The following PCNX2 variants were observed in gnomAD, a reference collection of about 807,000 sequenced individuals.
PCNX2 encodes the protein pecanex-like protein 2.
Under a neutral mutation model 223.8 loss-of-function variants are expected in PCNX2, and 168 were observed. The observed-to-expected ratio is 0.75, with a 90% CI of 0.66 to 0.85. The LOEUF (loss-of-function observed/expected upper bound fraction) is 0.85, where lower values mean the gene tolerates loss of function less well. Among genes scored for constraint, PCNX2 ranks in the 40% least tolerant of loss-of-function variants. The pLI is 0.00. For synonymous variants in PCNX2, 1,006 were observed against 1,052.6 expected, an observed-to-expected ratio of 0.96 and a Z score of 0.86; for missense variants, 2,507 against 2,675.5, an observed-to-expected ratio of 0.94 and a Z score of 1.39.
intron 23 of PCNX2, among the ~76,000 whole-genome samples, chr1:233,077,326 G>A (rs1330463765): frequency 6.6e-6 from 1 of 152,050 alleles, no homozygotes; most frequent in Admixed American, 6.6e-5. Context: ...TTGACTCCAG[G>A]AGCACAGGGA....
rs531247703 is a variant in PCNX2 at position 233,255,965 on chromosome 1, C to T, written c.1834+2063G>A. Among the ~76,000 whole-genome samples the T allele has an allele frequency of 1.2e-4, 19 of 152,240 alleles. No homozygotes were observed. The Middle Eastern group carries it at 0.014, about 109-fold the overall frequency. On this transcript the variant is annotated intron_variant, in intron 5 of 33. Coordinates refer to ENST00000258229, the MANE Select transcript of PCNX2 (RefSeq NM_014801.4). ...ATTTGCCACCTTTGACGTTGATGGC[C>T]TTCTACGAGCTAAAAGATTCACTGT...
intron 21 of PCNX2, among the ~76,000 whole-genome samples, chr1:233,113,976 A>G (rs1421920204): frequency 6.6e-6 from 1 of 152,218 alleles, no homozygotes; most frequent in Non-Finnish European, 1.5e-5. Context: ...TCTGTGCCTG[A>G]CTGTGTTCTG....
chr1:233,161,332 C>T lies in PCNX2; in HGVS notation c.3305G>A (p.Cys1102Tyr), dbSNP rs754555338. The change falls in exon 18 of 34, where the codon TGC (cysteine) becomes TAC (tyrosine). Residue 1102 changes from cysteine to tyrosine, a missense_variant. Around this residue, in one of 3 missense-constraint regions of PCNX2, gnomAD observed 1,372 missense variants for 1,509.4 expected, o/e 0.91. Coordinates refer to ENST00000258229, the MANE Select transcript of PCNX2 (RefSeq NM_014801.4). ...AAATGAGAGGACAGCAACCACTGCG[C>T]AGACGATGAGATCCCATTTTAAGAC... ...TDVLKWDLIV[C>Y]AVVAVLSFAV... 1.9e-6 allele frequency: 3 copies of T among 1,613,872 alleles called. No homozygotes were observed. Among genetic ancestry groups the T allele is most frequent in the East Asian group, 2.2e-5 (1 of 44,876 alleles).
In PCNX2 at chr1:233,093,375, C is replaced by A. The variant is rs1172547962; in HGVS notation, c.3946+2380G>T. ...AAAAAGCAATTTACCAAACAGTGCCCTGCTGGCCTGAAAGCTAATTCAATT... is the reference window on the plus strand; with the variant it reads ...AAAAAGCAATTTACCAAACAGTGCCATGCTGGCCTGAAAGCTAATTCAATT... On this transcript the variant is annotated intron_variant, in intron 22 of 33. Transcript: ENST00000258229. Among the ~76,000 whole-genome samples, 4 of 152,188 alleles carry A rather than the reference C, an allele frequency of 2.6e-5. No homozygotes were observed. The East Asian group carries it at 7.7e-4, about 29-fold the overall frequency.
intron 21 of PCNX2, among the ~76,000 whole-genome samples, chr1:233,118,351 T>G (rs563146020): frequency 6.6e-6 from 1 of 152,208 alleles, no homozygotes; most frequent in East Asian, 1.9e-4. Flanking sequence ...CACTCTTATC[T>G]GACATAGTGC....
chr1:233,055,250 G>A (rs1159039954), intron 24 of PCNX2, among the ~76,000 whole-genome samples: 1 of 152,222 alleles, frequency 6.6e-6, no homozygotes, highest in African/African-American at 2.4e-5. Context: ...CAGTGATTGA[G>A]AGCTCTAATT....
intron 26 of PCNX2, among the ~76,000 whole-genome samples, chr1:233,017,727 C>A (rs10910645): frequency 2.6e-5 from 4 of 151,924 alleles, no homozygotes; most frequent in African/African-American, 4.8e-5. Context: ...CAGAACTCAT[C>A]TGAGACATTT....
intron 24 of PCNX2, among the ~76,000 whole-genome samples, chr1:233,056,565 T>C (rs1257818327): frequency 2.0e-5 from 3 of 152,230 alleles, no homozygotes. Context: ...TCTCTCCAGG[T>C]ATCTCAAATT....
chr1:233,145,251 C>T (rs554881526), intron 19 of PCNX2, among the ~76,000 whole-genome samples: 2 of 152,210 alleles, frequency 1.3e-5, no homozygotes, highest in East Asian at 1.9e-4. Flanking sequence ...CAGCCATGAG[C>T]CTCTGCACCT....
intron 23 of PCNX2, among the ~76,000 whole-genome samples, chr1:233,088,769 ACCTACT>A (rs1298409601): frequency 2.0e-5 from 3 of 152,100 alleles, no homozygotes; most frequent in African/African-American, 7.2e-5. Flanking sequence ...CATGGTAAAC[ACCTACT>A]AGCATGGGTC....
chr1:233,063,979 CTTT>C (rs565830950), intron 23 of PCNX2, among the ~76,000 whole-genome samples: 2 of 151,678 alleles, frequency 1.3e-5, no homozygotes, highest in Admixed American at 1.3e-4. Flanking sequence ...TCCAATTTGT[CTTT>C]TTTTTCATAA....
chr1:233,070,340 A>T (rs978731938), intron 23 of PCNX2, among the ~76,000 whole-genome samples: 1 of 152,154 alleles, frequency 6.6e-6, no homozygotes, highest in Non-Finnish European at 1.5e-5. Flanking sequence ...TAGGAGGAAG[A>T]GACACTTTCC....
intron 21 of PCNX2, among the ~76,000 whole-genome samples, chr1:233,115,811 C>G (rs1213115519): frequency 6.6e-6 from 1 of 152,002 alleles, no homozygotes; most frequent in Admixed American, 6.5e-5. Context: ...ATAAACACTA[C>G]CATATCAATG....
At position 233,295,592 on chromosome 1, in the gene PCNX2, G is replaced by A; in HGVS notation, c.-114C>T. On this transcript the variant is annotated 5_prime_UTR_variant, in exon 1 of 34. Transcript: ENST00000258229. This position sits in a 1 kb window ranked among gnomAD's most constrained non-coding sequence, Gnocchi z 4.1. ...GCCCGCGGGCCGCGCCCCCGCCGTC[G>A]CCGCCGCCGTCGCCCCCGCCGCCTC... 8.7e-7 allele frequency: 1 copy of A among 1,149,108 alleles called. No individual in the cohort carries two copies. The highest frequency in any genetic ancestry group is 1.1e-6 in the Non-Finnish European group (1 of 900,824). 71.2% of individuals were successfully genotyped at this position (1,149,108 alleles called of 1,614,324 possible).
intron 10 of PCNX2, among the ~76,000 whole-genome samples, chr1:233,221,359 A>T (rs987543286): frequency 2.6e-5 from 4 of 152,192 alleles, no homozygotes; most frequent in African/African-American, 9.6e-5. Context: ...AAAATATCCA[A>T]AGGTCTTTGA....
At chr1:233,321,617 T>C in the PCNX2 span, among the ~76,000 whole-genome samples, 2 of 152,322 alleles carry the variant, frequency 1.3e-5, no homozygotes, top group Non-Finnish European at 2.9e-5. Flanking sequence ...TTCTTTAAAA[T>C]GTCATCATAC....
chr1:233,235,957 A>AATATATATATATATATATATATATAT (rs1553319644), intron 9 of PCNX2, among the ~76,000 whole-genome samples: 2 of 93,090 alleles, frequency 2.1e-5, no homozygotes, highest in African/African-American at 3.9e-5. Context: ...CATAAAAAAA[A>AATATATATATATATATATATATATAT]ATATATATAT....
intron 28 of PCNX2, among the ~76,000 whole-genome samples, chr1:233,002,854 A>T (rs952546797): frequency 4.6e-5 from 7 of 152,190 alleles, no homozygotes; most frequent in Non-Finnish European, 8.8e-5. Flanking sequence ...AATGCCACAC[A>T]TTTACAACCA....
At chr1:233,112,925 T>G in intron 21 of PCNX2, 1 of 1,289,300 alleles carries the variant, frequency 7.8e-7, no homozygotes, top group Non-Finnish European at 1.0e-6. Flanking sequence ...CTTGCATGGT[T>G]TGAGTTAAGG....
Sources: allele counts gnomAD v4.1 joint callset (sites outside exome capture counted in the v4.1 genomes callset), GRCh38; gene constraint gnomAD v4.1.1; regional missense constraint gnomAD v4.1.1; non-coding constraint Gnocchi (gnomAD v3.1); transcripts MANE v1.5; gene names NCBI Gene and HGNC (gene_info 2026-07-23, HGNC 2026-07-21).